Variants in CCDC201 observed in about 807,000 individuals in gnomAD.
CCDC201 encodes the protein coiled-coil domain-containing protein 201.
exon 3 of CCDC201, chr7:45,861,004 T>C (rs146342989): frequency 6.6e-5 from 10 of 152,354 alleles, no homozygotes; most frequent in Admixed American, 1.3e-4. Context: ...TGTGAAAACA[T>C]TCTTCTGAGT....
chr7:45,879,618 C>T, the CCDC201 span, among the ~76,000 whole-genome samples: 1 of 152,140 alleles, frequency 6.6e-6, no homozygotes, highest in African/African-American at 2.4e-5. Flanking sequence ...TGGTGTTAAA[C>T]AATTAGGAAC....
At chr7:45,869,428 A>C (rs956823157) in intron 1 of CCDC201, among the ~76,000 whole-genome samples, 1 of 152,252 alleles carries the variant, frequency 6.6e-6, no homozygotes, top group Non-Finnish European at 1.5e-5. Flanking sequence ...AGGCTTACCC[A>C]GGAGCAACTG....
chr7:45,881,701 C>T, the CCDC201 span, among the ~76,000 whole-genome samples: 2 of 152,204 alleles, frequency 1.3e-5, no homozygotes, highest in African/African-American at 4.8e-5. Context: ...TACCTGCCCT[C>T]TTTCACCCAA....
chr7:45,884,210 C>G, the CCDC201 span, among the ~76,000 whole-genome samples: 1 of 152,138 alleles, frequency 6.6e-6, no homozygotes, highest in African/African-American at 2.4e-5. Context: ...AAGTGACCCT[C>G]TCACCTCAGC....
the CCDC201 span, among the ~76,000 whole-genome samples, chr7:45,880,676 C>T: frequency 4.6e-5 from 7 of 152,372 alleles, no homozygotes; most frequent in East Asian, 1.2e-3. Context: ...TCATTGCTGC[C>T]TGGCCATGTC....
exon 3 of CCDC201, chr7:45,860,953 T>C (rs1301733258): frequency 6.6e-6 from 1 of 152,078 alleles, no homozygotes; most frequent in African/African-American, 2.4e-5. Context: ...TGTGCTAATA[T>C]GTAGAAGATG....
At chr7:45,863,116 G>A (rs1786623001) in exon 3 of CCDC201, 1 of 152,246 alleles carries the variant, frequency 6.6e-6, no homozygotes, top group South Asian at 2.1e-4. Flanking sequence ...CTCATGCTGG[G>A]TGGCTTCCTC....
At chr7:45,877,779 T>C (rs1786832204), upstream of CCDC201, among the ~76,000 whole-genome samples, 1 of 152,180 alleles carries the variant, frequency 6.6e-6, no homozygotes, top group Non-Finnish European at 1.5e-5. Context: ...GTCATTCTGC[T>C]CCTGGCCCCT....
chr7:45,878,215 G>C, the CCDC201 span, among the ~76,000 whole-genome samples: 62 of 152,226 alleles, frequency 4.1e-4, no homozygotes, highest in Admixed American at 1.5e-3. Flanking sequence ...CTGGCATTGA[G>C]TGCCTGCAGC....
At chr7:45,862,668 C>T (rs1319089151) in exon 3 of CCDC201, 2 of 152,226 alleles carry the variant, frequency 1.3e-5, no homozygotes, top group Admixed American at 6.5e-5. Context: ...CAACTCTTTC[C>T]TGAGAAGGCT....
chr7:45,879,674 G>C, the CCDC201 span, among the ~76,000 whole-genome samples: 1 of 152,210 alleles, frequency 6.6e-6, no homozygotes, highest in Non-Finnish European at 1.5e-5. Flanking sequence ...TCCTCCAACA[G>C]TGGGAATTAT....
exon 3 of CCDC201, chr7:45,862,885 G>T (rs1308811170): frequency 6.6e-6 from 1 of 152,344 alleles, no homozygotes; most frequent in Non-Finnish European, 1.5e-5. Flanking sequence ...CACCTCTGCT[G>T]ACCCTCATCA....
chr7:45,884,584 G>C, the CCDC201 span, among the ~76,000 whole-genome samples: 1 of 152,048 alleles, frequency 6.6e-6, no homozygotes, highest in East Asian at 1.9e-4. Flanking sequence ...AGAACTACTG[G>C]CTCTTCCCTG....
chr7:45,871,470 G>A (rs1224722823), intron 1 of CCDC201, among the ~76,000 whole-genome samples: 6 of 152,068 alleles, frequency 3.9e-5, no homozygotes, highest in African/African-American at 1.4e-4. Flanking sequence ...AGACTTACAT[G>A]TAGAAAAGAA....
At chr7:45,884,807 C>T in the CCDC201 span, among the ~76,000 whole-genome samples, 3,752 of 152,218 alleles carry the variant, frequency 0.025, 155 homozygotes, top group African/African-American at 0.085. Context: ...GTAAGTAGCC[C>T]GCCCTTGACA....
At chr7:45,864,913 G>C (rs992478941) in intron 2 of CCDC201, among the ~76,000 whole-genome samples, 2 of 152,144 alleles carry the variant, frequency 1.3e-5, no homozygotes, top group Admixed American at 1.3e-4. Flanking sequence ...GGAAGGAAAA[G>C]TAGGGGAAGG....
At chr7:45,869,750 T>A (rs1455232434) in intron 1 of CCDC201, among the ~76,000 whole-genome samples, 1 of 152,108 alleles carries the variant, frequency 6.6e-6, no homozygotes, top group East Asian at 1.9e-4. Flanking sequence ...ATCCCGTACA[T>A]TGCTGGTGGG....
intron 1 of CCDC201, among the ~76,000 whole-genome samples, chr7:45,869,757 T>C (rs1003087838): frequency 6.6e-6 from 1 of 151,746 alleles, no homozygotes; most frequent in Non-Finnish European, 1.5e-5. Context: ...ACATTGCTGG[T>C]GGGTTGGAAG....
At chr7:45,863,103 G>A (rs1786622906) in exon 3 of CCDC201, 1 of 152,188 alleles carries the variant, frequency 6.6e-6, no homozygotes, top group Non-Finnish European at 1.5e-5. Context: ...CTTCGATGGT[G>A]AGCTCATGCT....
Sources: allele counts gnomAD v4.1 joint callset (sites outside exome capture counted in the v4.1 genomes callset), GRCh38; gene constraint gnomAD v4.1.1; transcripts MANE v1.5; gene names NCBI Gene and HGNC (gene_info 2026-07-23, HGNC 2026-07-21).